DENND2C: variants seen among roughly 807,000 people sequenced by gnomAD.
DENND2C encodes DENN domain containing 2C.
DENND2C carries 72 observed loss-of-function variants against 112.4 expected under a neutral mutation model. The observed-to-expected ratio is 0.64, with a 90% CI of 0.53 to 0.78. The LOEUF is 0.78. DENND2C is among the 30% of genes least tolerant of loss of function. The pLI, the probability that DENND2C is intolerant of heterozygous loss-of-function variation, is 0.00. For missense variants in DENND2C, 992 were observed against 1,113.8 expected (o/e 0.89, Z 1.56); for synonymous variants, 329 against 381.6 (o/e 0.86, Z 1.61).
At chr1:114,601,006 A>C in intron 13 of DENND2C, 46 bp from the exon 14 acceptor site, 1 of 1,564,454 alleles carries the variant, frequency 6.4e-7, no homozygotes, top group South Asian at 1.2e-5. Context: ...GTTAAAAAAT[A>C]TAAAAGAATG....
At chr1:114,628,081 G>A (rs1411376862) in intron 3 of DENND2C, among the ~76,000 whole-genome samples, 1 of 152,068 alleles carries the variant, frequency 6.6e-6, no homozygotes, top group Non-Finnish European at 1.5e-5. Context: ...TGAGGCAGGA[G>A]CATCACTTGA....
At position 114,583,667 on chromosome 1, in the gene DENND2C, TGTG is replaced by T. The variant is rs944225898; in HGVS notation, c.*1930_*1932del. Reference sequence around the variant, plus strand: ...CACTAAAAGTACAAAATTAGCCAGGTGTGGTGGCGGGTGCCTATAATTCCAGCT... The same window carrying T: ...CACTAAAAGTACAAAATTAGCCAGGTGTGGCGGGTGCCTATAATTCCAGCT... On this transcript the variant is annotated 3_prime_UTR_variant, in exon 21 of 21. Transcript: ENST00000393274. 12 of 151,528 alleles carry T rather than the reference TGTG, an allele frequency of 7.9e-5. No individual in the cohort carries two copies. The highest frequency in any genetic ancestry group is 1.6e-4 in the Non-Finnish European group (11 of 67,940). The allele number at this position is 151,528 out of a possible 1,614,324, so 9.4% of individuals were successfully genotyped here.
At chr1:114,632,680 A>T (rs566988311) in intron 3 of DENND2C, among the ~76,000 whole-genome samples, 10 of 152,234 alleles carry the variant, frequency 6.6e-5, no homozygotes, top group Non-Finnish European at 1.5e-4. Flanking sequence ...GTGCCTTTAA[A>T]GGTACACATA....
chr1:114,603,422 C>G (rs906389709), intron 11 of DENND2C, among the ~76,000 whole-genome samples: 1 of 152,056 alleles, frequency 6.6e-6, no homozygotes, highest in Non-Finnish European at 1.5e-5. Flanking sequence ...GCCACAGCAC[C>G]TGGCCAAGTC....
At chr1:114,664,184 C>T (rs1324684747) in intron 1 of DENND2C, among the ~76,000 whole-genome samples, 1 of 152,140 alleles carries the variant, frequency 6.6e-6, no homozygotes, top group Non-Finnish European at 1.5e-5. Context: ...AAGTGATCTT[C>T]CCATCTTGGC....
At position 114,625,355 on chromosome 1, in the gene DENND2C, C is replaced by T; in HGVS notation, c.630G>A (p.Leu210=). 6.2e-7 allele frequency: 1 copy of T among 1,614,138 alleles called. No individual in the cohort carries two copies. Among genetic ancestry groups the T allele is most frequent in the Non-Finnish European group, 8.5e-7 (1 of 1,180,024 alleles). The change falls in exon 4 of 21, where the codon TTG becomes TTA. Residue 210 remains leucine, a synonymous_variant. Coordinates refer to ENST00000393274, the MANE Select transcript of DENND2C (RefSeq NM_001256404.2). ...ATCTGAATGTCCTACGAGGTTTTGGCAAAGGATTTATGGAAGGTCCACATT... is the reference window on the plus strand; with the variant it reads ...ATCTGAATGTCCTACGAGGTTTTGGTAAAGGATTTATGGAAGGTCCACATT... ...GQECGPSINP[L]PKPRRTFRYL...
intron 18 of DENND2C, among the ~76,000 whole-genome samples, chr1:114,588,731 T>C (rs1188630704): frequency 6.6e-6 from 1 of 152,196 alleles, no homozygotes; most frequent in African/African-American, 2.4e-5. Flanking sequence ...AGTTTCCCTC[T>C]CAATATTCCC....
At chr1:114,593,621 C>CA (rs978234866) in intron 18 of DENND2C, among the ~76,000 whole-genome samples, 38 of 151,966 alleles carry the variant, frequency 2.5e-4, no homozygotes, top group South Asian at 2.1e-3. Flanking sequence ...CCTGTCTCTA[C>CA]AAAAAATAAA....
At chr1:114,616,072 C>T (rs1655960036) in intron 8 of DENND2C, among the ~76,000 whole-genome samples, 1 of 146,956 alleles carries the variant, frequency 6.8e-6, no homozygotes, top group Non-Finnish European at 1.5e-5. Flanking sequence ...AAGACTGTCT[C>T]AAAAGAAAAG....
At chr1:114,599,570 G>T in intron 15 of DENND2C, 119 bp from the exon 16 acceptor site, 1 of 761,642 alleles carries the variant, frequency 1.3e-6, no homozygotes, top group Non-Finnish European at 1.9e-6. Context: ...TAAAAACTAT[G>T]CAAACAGTCA....
rs751813811 is a variant in DENND2C, at chr1:114,608,736, G to A, written c.1507C>T (p.Pro503Ser). 1 of 1,614,136 alleles carries A rather than the reference G, an allele frequency of 6.2e-7. No individual in the cohort carries two copies. Among genetic ancestry groups the A allele is most frequent in the South Asian group, 1.1e-5 (1 of 91,076 alleles). Residue 503 changes from proline (P) to serine (S), a missense_variant, in exon 10 of 21, where the codon CCA becomes TCA. By Grantham distance (74) the Pro-to-Ser change is moderately conservative. This residue lies in a region of DENND2C where 516 missense variants were observed against 623.6 expected (regional missense o/e 0.83). Coordinates refer to ENST00000393274, the MANE Select transcript of DENND2C (RefSeq NM_001256404.2). ...TGGGGAATATAGCTTATTCCTGATG[G>A]TTTCTTCTGTAGAGACACCACCACA... is the stretch of plus-strand genomic sequence containing the variant. ...LFVVVSLQKK[P>S]SGISYIPQVI...
chr1:114,586,342 G>A (rs1458752177), intron 20 of DENND2C, among the ~76,000 whole-genome samples: 2 of 152,086 alleles, frequency 1.3e-5, no homozygotes, highest in African/African-American at 2.4e-5. Flanking sequence ...CTAAAATTAT[G>A]TGCAAAATTT....
chr1:114,622,117 CTTGT>C (rs541403789), intron 6 of DENND2C, 52 bp from the exon 7 acceptor site: 26 of 1,471,970 alleles, frequency 1.8e-5, no homozygotes, highest in Non-Finnish European at 2.2e-5. Flanking sequence ...GCTGTTGTTG[CTTGT>C]TTGTTTGTTT....
intron 1 of DENND2C, among the ~76,000 whole-genome samples, chr1:114,664,071 T>C (rs1216707642): frequency 6.6e-6 from 1 of 151,792 alleles, no homozygotes; most frequent in Admixed American, 6.6e-5. Context: ...CCCAAGCGGC[T>C]GGGACCACAG....
intron 2 of DENND2C, among the ~76,000 whole-genome samples, chr1:114,651,276 T>TACACACACACACACACACACACACACAC (rs57202953): frequency 1.0e-4 from 14 of 139,366 alleles, no homozygotes; most frequent in African/African-American, 2.7e-4. Context: ...TCCCTACACA[T>TACACACACACACACACACACACACACAC]ACACACACAC....
intron 18 of DENND2C, among the ~76,000 whole-genome samples, chr1:114,591,217 C>T (rs1157254362): frequency 6.6e-6 from 1 of 152,162 alleles, no homozygotes; most frequent in African/African-American, 2.4e-5. Context: ...ATTCTCCCAC[C>T]TTGACCTCCC....
intron 2 of DENND2C, among the ~76,000 whole-genome samples, chr1:114,650,713 C>T (rs943651788): frequency 2.1e-5 from 3 of 145,196 alleles, no homozygotes; most frequent in Admixed American, 6.9e-5. Context: ...AGACTACAGA[C>T]ATAACAGGCT....
chr1:114,590,878 G>A (rs1333137923), intron 18 of DENND2C, among the ~76,000 whole-genome samples: 2 of 152,068 alleles, frequency 1.3e-5, no homozygotes, highest in Non-Finnish European at 2.9e-5. Flanking sequence ...TGGGTTGTAG[G>A]ATATGTACAC....
chr1:114,662,370 C>T (rs1472342043), intron 1 of DENND2C, among the ~76,000 whole-genome samples: 1 of 152,144 alleles, frequency 6.6e-6, no homozygotes, highest in Non-Finnish European at 1.5e-5. Context: ...CTCTCTCCCC[C>T]ACCAATCTGT....
Sources: allele counts gnomAD v4.1 joint callset (sites outside exome capture counted in the v4.1 genomes callset), GRCh38; gene constraint gnomAD v4.1.1; regional missense constraint gnomAD v4.1.1; transcripts MANE v1.5; gene names NCBI Gene and HGNC (gene_info 2026-07-23, HGNC 2026-07-21).